NCOA2: variants seen among roughly 807,000 people sequenced by gnomAD.
NCOA2 encodes class E basic helix-loop-helix protein 75.
In NCOA2, 21 loss-of-function variants were observed where a neutral mutation model predicts 145.1. The ratio of observed to expected loss-of-function variants is 0.14; its 90% CI spans 0.10 to 0.21. NCOA2 has a LOEUF of 0.21. Ranked by LOEUF, NCOA2 falls within the 10% of genes least tolerant of loss-of-function variation. The probability of loss-of-function intolerance (pLI) is 1.00; values close to 1 mark genes in which losing one functional copy is unlikely to be tolerated. For synonymous variants in NCOA2, 619 were observed against 637.5 expected, an observed-to-expected ratio of 0.97 and a Z score of 0.44; for missense variants, 1,472 against 1,837.6, an observed-to-expected ratio of 0.80 and a Z score of 3.64.
At chr8:70,366,409 A>G (rs921123127) in intron 1 of NCOA2, among the ~76,000 whole-genome samples, 23 of 152,166 alleles carry the variant, frequency 1.5e-4, no homozygotes, top group Non-Finnish European at 1.0e-4. Context: ...ATAGTAATAT[A>G]AAGGTTATTA....
intron 11 of NCOA2, among the ~76,000 whole-genome samples, chr8:70,154,732 G>T (rs756578971): frequency 2.6e-5 from 4 of 152,128 alleles, no homozygotes; most frequent in Non-Finnish European, 4.4e-5. Context: ...AAGAAAAATA[G>T]CTTACTTTTT....
At chr8:70,149,353 G>A (rs567614822) in intron 11 of NCOA2, among the ~76,000 whole-genome samples, 1 of 150,760 alleles carries the variant, frequency 6.6e-6, no homozygotes, top group Non-Finnish European at 1.5e-5. Flanking sequence ...TGCCACCTGA[G>A]CCTCCTCAGT....
chr8:70,238,598 AG>A (rs1206252210), intron 2 of NCOA2, among the ~76,000 whole-genome samples: 3 of 152,206 alleles, frequency 2.0e-5, no homozygotes, highest in Non-Finnish European at 2.9e-5. Context: ...CAACAACACA[AG>A]GAAATGATCT....
At chr8:70,352,385 T>A (rs1809324079) in intron 1 of NCOA2, among the ~76,000 whole-genome samples, 1 of 152,154 alleles carries the variant, frequency 6.6e-6, no homozygotes. Flanking sequence ...GGCTCTTCCA[T>A]CATGCACACT....
At position 70,321,329 on chromosome 8, in the gene NCOA2, GT is replaced by G. The variant is rs566193167; in HGVS notation, c.-76-24530del. Among the ~76,000 whole-genome samples, 469 of 143,462 alleles carry G rather than the reference GT, an allele frequency of 3.3e-3. 1 individual carries two copies. Among genetic ancestry groups the G allele is most frequent in the African/African-American group, 0.011 (427 of 39,596 alleles). 94.1% of individuals were successfully genotyped at this position (143,462 alleles called of 152,430 possible). ...TATTCATAAAATATAACATCACTTT[GT>G]TTTTTTTTTTGTAGAGATAGGGTTT... On this transcript the variant is annotated intron_variant, in intron 1 of 22. Coordinates refer to ENST00000452400, the MANE Select transcript of NCOA2 (RefSeq NM_006540.4).
At chr8:70,188,478 G>A (rs1309992486) in intron 4 of NCOA2, among the ~76,000 whole-genome samples, 1 of 152,200 alleles carries the variant, frequency 6.6e-6, no homozygotes, top group Non-Finnish European at 1.5e-5. Context: ...GGGATGTTAT[G>A]AGACTTAATA....
At chr8:70,307,671 T>C (rs1828000346) in intron 1 of NCOA2, among the ~76,000 whole-genome samples, 1 of 152,232 alleles carries the variant, frequency 6.6e-6, no homozygotes, top group Non-Finnish European at 1.5e-5. Context: ...GGGAAAGTTT[T>C]CTATGAATTC....
At chr8:70,255,796 A>T (rs1823587838) in intron 2 of NCOA2, among the ~76,000 whole-genome samples, 1 of 152,206 alleles carries the variant, frequency 6.6e-6, no homozygotes, top group Non-Finnish European at 1.5e-5. Context: ...CCACCCCAGC[A>T]CCAAGGTGAG....
intron 1 of NCOA2, among the ~76,000 whole-genome samples, chr8:70,403,374 C>G (rs1394383269): frequency 2.0e-5 from 3 of 151,374 alleles, no homozygotes; most frequent in Admixed American, 6.6e-5. Flanking sequence ...GCCCGCCTCG[C>G]GCTCCGGGAC....
intron 13 of NCOA2, among the ~76,000 whole-genome samples, chr8:70,141,604 G>A (rs991440610): frequency 6.6e-6 from 1 of 152,174 alleles, no homozygotes. Flanking sequence ...ACATGGACCT[G>A]CCGCTCTTTA....
chr8:70,272,142 T>C (rs1171855220), intron 2 of NCOA2, among the ~76,000 whole-genome samples: 1 of 152,206 alleles, frequency 6.6e-6, no homozygotes, highest in Non-Finnish European at 1.5e-5. Flanking sequence ...TTGGAATGTG[T>C]TCAAACTTGG....
intron 15 of NCOA2, 24 bp from the exon 16 acceptor site, chr8:70,132,026 T>G (rs1462349802): frequency 6.2e-7 from 1 of 1,601,862 alleles, no homozygotes; most frequent in South Asian, 1.1e-5. Flanking sequence ...AATGTCACCT[T>G]GGGCCAATGG....
chr8:70,185,840 T>C (rs1816008398), intron 4 of NCOA2, among the ~76,000 whole-genome samples: 1 of 152,196 alleles, frequency 6.6e-6, no homozygotes. Flanking sequence ...GTCTGTCTAG[T>C]CTCAAGTATT....
At chr8:70,297,030 C>T (rs1417763197) in intron 1 of NCOA2, among the ~76,000 whole-genome samples, 1 of 152,180 alleles carries the variant, frequency 6.6e-6, no homozygotes, top group Admixed American at 6.5e-5. Flanking sequence ...TATAAGGCTG[C>T]ATTTCATTGT....
chr8:70,254,372 G>A (rs187011834), intron 2 of NCOA2, among the ~76,000 whole-genome samples: 30 of 152,316 alleles, frequency 2.0e-4, no homozygotes, highest in African/African-American at 6.5e-4. Flanking sequence ...TTCTGGGTAT[G>A]TATCCAAAAG....
chr8:70,230,560 T>G (rs1201442163), intron 2 of NCOA2, among the ~76,000 whole-genome samples: 2 of 152,280 alleles, frequency 1.3e-5, no homozygotes, highest in African/African-American at 4.8e-5. Context: ...GATAAATAGA[T>G]AGTTTGCAAG....
At chr8:70,213,272 A>G (rs1819244213) in intron 4 of NCOA2, among the ~76,000 whole-genome samples, 1 of 152,206 alleles carries the variant, frequency 6.6e-6, no homozygotes, top group Non-Finnish European at 1.5e-5. Context: ...TGTTCTTAAA[A>G]ACATTATTTT....
intron 1 of NCOA2, among the ~76,000 whole-genome samples, chr8:70,359,402 A>G (rs1442109678): frequency 6.6e-6 from 1 of 152,224 alleles, no homozygotes; most frequent in Non-Finnish European, 1.5e-5. Flanking sequence ...GAAAGGAATA[A>G]AGAATTGATA....
rs548648208 is a variant in NCOA2, at chr8:70,116,495, G to C, written c.4384-2852C>G. Among the ~76,000 whole-genome samples the C allele has an allele frequency of 9.9e-5, 15 of 151,860 alleles. No individual in the cohort carries two copies. The South Asian group carries it at 2.9e-3, about 29-fold the overall frequency. On this transcript the variant is annotated intron_variant, in intron 22 of 22. Transcript: ENST00000452400. Reference sequence around the variant, plus strand: ...GAACCTGGGAGACAGAGGCTGCAGTGAGCTAAGATCGCGCCACTGCACTCT... The same window carrying C: ...GAACCTGGGAGACAGAGGCTGCAGTCAGCTAAGATCGCGCCACTGCACTCT...
Sources: gnomAD v4.1 joint callset for allele counts (sites outside exome capture counted in the v4.1 genomes callset) on GRCh38, gnomAD v4.1.1 for gene constraint, MANE v1.5 for transcripts, NCBI Gene and HGNC (gene_info 2026-07-23, HGNC 2026-07-21) for gene names.